DNM3: variants seen among roughly 807,000 people sequenced by gnomAD.
The protein encoded by DNM3 is dynamin-3.
Under a neutral mutation model 101.6 loss-of-function variants are expected in DNM3, and 47 were observed. The ratio of observed to expected loss-of-function variants is 0.46; its 90% CI spans 0.37 to 0.59. The LOEUF is 0.59. Ranked by LOEUF, DNM3 falls within the 20% of genes least tolerant of loss-of-function variation. The pLI, the probability that DNM3 is intolerant of heterozygous loss-of-function variation, is 0.00. For missense variants in DNM3, 849 were observed against 1,085.7 expected, an observed-to-expected ratio of 0.78 and a Z score of 3.06; for synonymous variants, 385 against 387.9, an observed-to-expected ratio of 0.99 and a Z score of 0.09.
intron 14 of DNM3, among the ~76,000 whole-genome samples, chr1:172,234,411 A>G (rs1159737714): frequency 6.6e-6 from 1 of 152,210 alleles, no homozygotes; most frequent in African/African-American, 2.4e-5. Flanking sequence ...AGAACATTCC[A>G]TGCTCATGGA....
intron 1 of DNM3, among the ~76,000 whole-genome samples, chr1:171,856,342 C>A (rs900540063): frequency 2.6e-5 from 4 of 152,050 alleles, no homozygotes; most frequent in African/African-American, 9.7e-5. Flanking sequence ...CTTAGCATTG[C>A]CTTGGCTACT....
intron 15 of DNM3, among the ~76,000 whole-genome samples, chr1:172,283,755 A>G (rs1439125771): frequency 1.0e-4 from 13 of 130,092 alleles, no homozygotes; most frequent in African/African-American, 3.5e-4. Flanking sequence ...GTGAGACTCC[A>G]TCTCAAAAAA....
intron 2 of DNM3, among the ~76,000 whole-genome samples, chr1:171,965,445 T>C (rs1024939663): frequency 6.6e-6 from 1 of 150,962 alleles, no homozygotes; most frequent in Non-Finnish European, 1.5e-5. Context: ...CCCAGCTACT[T>C]GAAAGGCTGA....
chr1:172,096,870 G>A (rs2054280509), intron 13 of DNM3, among the ~76,000 whole-genome samples: 1 of 152,218 alleles, frequency 6.6e-6, no homozygotes, highest in Admixed American at 6.5e-5. Context: ...AGACAAACTA[G>A]AGATATGGGA....
intron 20 of DNM3, among the ~76,000 whole-genome samples, chr1:172,392,170 C>T (rs1433957512): frequency 1.3e-5 from 2 of 152,122 alleles, no homozygotes; most frequent in Non-Finnish European, 2.9e-5. Flanking sequence ...GTGCATGGAG[C>T]CTTTCAGTTA....
intron 2 of DNM3, among the ~76,000 whole-genome samples, chr1:171,941,302 G>A (rs940266898): frequency 6.6e-5 from 10 of 152,168 alleles, no homozygotes; most frequent in Non-Finnish European, 1.2e-4. Flanking sequence ...TTTAGCAAAG[G>A]TGGCTTGGGT....
chr1:172,388,536 G>A (rs1197380722), intron 19 of DNM3, 37 bp from the exon 20 acceptor site: 1 of 1,543,510 alleles, frequency 6.5e-7, no homozygotes, highest in Non-Finnish European at 8.9e-7. Context: ...AGACAGAAAG[G>A]AGGAGTGAGC....
intron 9 of DNM3, among the ~76,000 whole-genome samples, chr1:172,047,187 G>A (rs767574362): frequency 6.6e-6 from 1 of 152,142 alleles, no homozygotes; most frequent in Non-Finnish European, 1.5e-5. Flanking sequence ...GGACTTGATG[G>A]AAGAGATGCT....
At chr1:172,413,857 G>A (rs143889734), downstream of DNM3, among the ~76,000 whole-genome samples, 2 of 152,280 alleles carry the variant, frequency 1.3e-5, no homozygotes, top group East Asian at 1.9e-4. Flanking sequence ...TGGAACATCT[G>A]TACCTTCAAA....
chr1:172,018,012 G>A (rs2047564097), intron 4 of DNM3, among the ~76,000 whole-genome samples: 1 of 151,886 alleles, frequency 6.6e-6, no homozygotes, highest in Admixed American at 6.6e-5. Context: ...TGTTAATATA[G>A]CCAATCCCAG....
intron 2 of DNM3, chr1:171,987,175 A>G (rs965062204): frequency 5.9e-6 from 2 of 340,736 alleles, no homozygotes; most frequent in African/African-American, 4.5e-5. Context: ...AGGATTCCAT[A>G]TATTATTTAT....
chr1:172,306,249 G>A (rs2148865964), intron 15 of DNM3, among the ~76,000 whole-genome samples: 1 of 152,222 alleles, frequency 6.6e-6, no homozygotes, highest in South Asian at 2.1e-4. Flanking sequence ...CAGAGAAACA[G>A]CCAAATCATG....
chr1:171,916,197 C>T (rs892466759), intron 1 of DNM3, among the ~76,000 whole-genome samples: 5 of 152,168 alleles, frequency 3.3e-5, no homozygotes, highest in African/African-American at 1.2e-4. Flanking sequence ...AGATTTGAGT[C>T]CCATATGTCA....
intron 2 of DNM3, among the ~76,000 whole-genome samples, chr1:171,953,056 G>A (rs2042628788): frequency 6.6e-6 from 1 of 152,120 alleles, no homozygotes; most frequent in Non-Finnish European, 1.5e-5. Context: ...TGGAAGGAAG[G>A]ACTTCAAAAC....
At chr1:172,152,925 C>T (rs899568517) in intron 14 of DNM3, among the ~76,000 whole-genome samples, 9 of 152,178 alleles carry the variant, frequency 5.9e-5, no homozygotes, top group Non-Finnish European at 1.0e-4. Flanking sequence ...TTTGAATTAA[C>T]ATTCACAGTG....
At chr1:172,109,331 G>C (rs939675915) in intron 13 of DNM3, among the ~76,000 whole-genome samples, 1 of 152,184 alleles carries the variant, frequency 6.6e-6, no homozygotes, top group Non-Finnish European at 1.5e-5. Flanking sequence ...AGGAGGATTT[G>C]TTTTTGGGAA....
chr1:172,235,591 A>G (rs544655707), intron 14 of DNM3, among the ~76,000 whole-genome samples: 7 of 152,318 alleles, frequency 4.6e-5, no homozygotes, highest in African/African-American at 1.7e-4. Context: ...GACTTGGAAC[A>G]ACCAAAATGT....
At chr1:171,905,164 CATTCATTCAT>C (rs2038715875) in intron 1 of DNM3, among the ~76,000 whole-genome samples, 1 of 152,184 alleles carries the variant, frequency 6.6e-6, no homozygotes, top group South Asian at 2.1e-4. Context: ...TATGTGCGTA[CATTCATTCAT>C]ATACACATGC....
rs536790065 is a variant in DNM3 at position 172,244,804 on chromosome 1, T to A, written c.1660-8769T>A. ...TTGTGGAAGTCAGTGTGGCGATTCCTCAGGGATCTAGAACTGGAAATACCA... is the reference window on the plus strand; with the variant it reads ...TTGTGGAAGTCAGTGTGGCGATTCCACAGGGATCTAGAACTGGAAATACCA... On this transcript the variant is annotated intron_variant, in intron 14 of 20. Coordinates refer to ENST00000627582, the MANE Select transcript of DNM3 (RefSeq NM_015569.5). Among the ~76,000 whole-genome samples, 764 of 152,294 alleles carry A rather than the reference T, an allele frequency of 5.0e-3. 4 individuals carry two copies. Among genetic ancestry groups the A allele is most frequent in the African/African-American group, 0.017 (719 of 41,566 alleles).
Sources: allele counts gnomAD v4.1 joint callset (sites outside exome capture counted in the v4.1 genomes callset), GRCh38; gene constraint gnomAD v4.1.1; transcripts MANE v1.5; gene names NCBI Gene and HGNC (gene_info 2026-07-23, HGNC 2026-07-21).